The following BCL2L1 variants were observed in gnomAD, a reference collection of about 807,000 sequenced individuals.
The protein encoded by BCL2L1 is bcl-2-like protein 1.
A neutral mutation model predicts 18.7 loss-of-function variants in BCL2L1; 1 was observed. That is an observed-to-expected ratio of 0.05 (90% CI 0.02 to 0.25). The LOEUF is 0.25. Among genes scored for constraint, BCL2L1 ranks in the 10% least tolerant of loss-of-function variants. The probability of loss-of-function intolerance (pLI) is 1.00; values close to 1 mark genes in which losing one functional copy is unlikely to be tolerated. For synonymous variants in BCL2L1, 103 were observed against 122.7 expected, an observed-to-expected ratio of 0.84 and a Z score of 1.06; for missense variants, 207 against 304.9, an observed-to-expected ratio of 0.68 and a Z score of 2.39.
chr20:31,684,582 A>G (rs2060924229), intron 2 of BCL2L1, among the ~76,000 whole-genome samples: 1 of 152,186 alleles, frequency 6.6e-6, no homozygotes, highest in Non-Finnish European at 1.5e-5. Context: ...AAGCACCACC[A>G]ATCCAGCTAT....
At chr20:31,703,616 C>G (rs1221877459) in intron 2 of BCL2L1, among the ~76,000 whole-genome samples, 1 of 151,218 alleles carries the variant, frequency 6.6e-6, no homozygotes, top group Non-Finnish European at 1.5e-5. Context: ...CTCAGCCTCC[C>G]GAGTAGCTGA....
intron 2 of BCL2L1, among the ~76,000 whole-genome samples, chr20:31,704,352 G>A (rs954857052): frequency 1.6e-4 from 25 of 151,918 alleles, no homozygotes; most frequent in Non-Finnish European, 2.4e-4. Flanking sequence ...CACCCACCTC[G>A]GCCTCCCAAA....
chr20:31,696,774 G>A (rs533095267), intron 2 of BCL2L1, among the ~76,000 whole-genome samples: 20 of 152,138 alleles, frequency 1.3e-4, no homozygotes, highest in East Asian at 3.9e-4. Flanking sequence ...TAAGCTAGTC[G>A]GCCGGGTGTG....
At chr20:31,678,116 C>A (rs2060793964) in intron 2 of BCL2L1, among the ~76,000 whole-genome samples, 1 of 152,202 alleles carries the variant, frequency 6.6e-6, no homozygotes. Flanking sequence ...ATCTTTTGCA[C>A]TGTGCTGAGG....
chr20:31,713,491 C>G, intron 2 of BCL2L1: 1 of 985,308 alleles, frequency 1.0e-6, no homozygotes. Flanking sequence ...ATCGCAATGG[C>G]ATTTCCTGAA....
chr20:31,707,887 T>C (rs1252561737), intron 2 of BCL2L1, among the ~76,000 whole-genome samples: 1 of 151,960 alleles, frequency 6.6e-6, no homozygotes, highest in African/African-American at 2.4e-5. Flanking sequence ...CAAGGATAAC[T>C]ATTAAGCAAG....
upstream of BCL2L1, chr20:31,723,628 C>A (rs932423489): frequency 7.1e-6 from 7 of 985,432 alleles, no homozygotes; most frequent in African/African-American, 1.2e-4. Context: ...CCCCGGCGGT[C>A]CGCCCCAGCG....
intron 2 of BCL2L1, among the ~76,000 whole-genome samples, chr20:31,704,706 G>A (rs1313236527): frequency 6.6e-6 from 1 of 152,112 alleles, no homozygotes; most frequent in Non-Finnish European, 1.5e-5. Flanking sequence ...CTCCTGTGTG[G>A]AAGTTTCTGC....
At chr20:31,667,942 C>T (rs763676714) in intron 2 of BCL2L1, among the ~76,000 whole-genome samples, 2 of 152,166 alleles carry the variant, frequency 1.3e-5, no homozygotes, top group Non-Finnish European at 2.9e-5. Context: ...CATTCAGTCA[C>T]TCCAAGTTCT....
chr20:31,711,687 G>A (rs749737645), intron 2 of BCL2L1, among the ~76,000 whole-genome samples: 15 of 152,190 alleles, frequency 9.9e-5, no homozygotes, highest in Non-Finnish European at 1.5e-4. Flanking sequence ...ATAATACTGT[G>A]TTAAAAGCCA....
chr20:31,686,048 T>C (rs928661451), intron 2 of BCL2L1, among the ~76,000 whole-genome samples: 33 of 152,214 alleles, frequency 2.2e-4, no homozygotes, highest in African/African-American at 7.5e-4. Flanking sequence ...ACCCCTGTCC[T>C]TGAAAATTAA....
chr20:31,692,220 G>C (rs1568873157), intron 2 of BCL2L1, among the ~76,000 whole-genome samples: 1 of 152,228 alleles, frequency 6.6e-6, no homozygotes, highest in Non-Finnish European at 1.5e-5. Flanking sequence ...GGGAACCACT[G>C]CCTGGGAGAA....
chr20:31,696,329 G>A (rs2061169279), intron 2 of BCL2L1, among the ~76,000 whole-genome samples: 1 of 152,188 alleles, frequency 6.6e-6, no homozygotes. Context: ...ATGACCTTTG[G>A]TACCCCATGG....
chr20:31,683,769 CAAAAAAAAAAAAAAAAAA>C lies in BCL2L1; in HGVS notation c.565-17701_565-17684del, dbSNP rs372160646. Among the ~76,000 whole-genome samples the C allele has an allele frequency of 2.7e-3, 214 of 80,684 alleles. 2 individuals are homozygous for C. The highest frequency in any genetic ancestry group is 0.024 in the South Asian group (24 of 1,014). 52.9% of individuals were successfully genotyped at this position (80,684 alleles called of 152,430 possible). A position where few individuals can be genotyped will look rare whatever the true frequency, so the allele number is the denominator to read the frequency against. ...GGGCAACAAGAGTGAAACTCCATCT[CAAAAAAAAAAAAAAAAAA>C]AAAAAAAAAAAAAAAAAAAAGAATG... On this transcript the variant is annotated intron_variant, in intron 2 of 2. Coordinates refer to ENST00000307677, the MANE Select transcript of BCL2L1 (RefSeq NM_138578.3).
chr20:31,670,827 G>A (rs1312983926), intron 2 of BCL2L1, among the ~76,000 whole-genome samples: 1 of 152,166 alleles, frequency 6.6e-6, no homozygotes, highest in Non-Finnish European at 1.5e-5. Context: ...TGGTTCACAC[G>A]ACACACTTGG....
chr20:31,700,614 T>C (rs912720145), intron 2 of BCL2L1, among the ~76,000 whole-genome samples: 52 of 152,230 alleles, frequency 3.4e-4, no homozygotes, highest in Admixed American at 3.2e-3. Context: ...TTAACCCACA[T>C]TGACTCTCCT....
chr20:31,718,407 G>C (rs1431045266), intron 2 of BCL2L1, among the ~76,000 whole-genome samples: 2 of 152,214 alleles, frequency 1.3e-5, no homozygotes, highest in Non-Finnish European at 2.9e-5. Context: ...TGTAATCCCA[G>C]CATTTTGGGA....
chr20:31,688,481 GAAAA>G (rs1214837789), intron 2 of BCL2L1, among the ~76,000 whole-genome samples: 3 of 149,842 alleles, frequency 2.0e-5, no homozygotes, highest in Admixed American at 6.7e-5. Context: ...AAAAAGAAAA[GAAAA>G]GAAAAGAAAG....
At chr20:31,709,212 C>A (rs2061413990) in intron 2 of BCL2L1, among the ~76,000 whole-genome samples, 1 of 152,136 alleles carries the variant, frequency 6.6e-6, no homozygotes, top group African/African-American at 2.4e-5. Context: ...TGACACAGAC[C>A]ATCTTTGGCT....
Sources: allele counts gnomAD v4.1 joint callset (sites outside exome capture counted in the v4.1 genomes callset), GRCh38; gene constraint gnomAD v4.1.1; transcripts MANE v1.5; gene names NCBI Gene and HGNC (gene_info 2026-07-23, HGNC 2026-07-21).